The following ZNF587 variants were observed in gnomAD, a reference collection of about 807,000 sequenced individuals.
ZNF587 encodes zinc finger protein zfp6.
Under a neutral mutation model 7.5 loss-of-function variants are expected in ZNF587, and 8 were observed. The ratio of observed to expected loss-of-function variants is 1.06; its 90% CI spans 0.62 to 1.92. The LOEUF is 1.92. Ranked by LOEUF, ZNF587 falls within the 40% of genes most tolerant of loss-of-function variation. ZNF587 has a pLI of 0.00. For synonymous variants in ZNF587, 145 were observed against 237.8 expected, an observed-to-expected ratio of 0.61 and a Z score of 3.59; for missense variants, 468 against 692.8, an observed-to-expected ratio of 0.68 and a Z score of 3.64.
intron 1 of ZNF587, chr19:57,850,979 T>G (rs1372679295): frequency 6.4e-6 from 1 of 155,438 alleles, no homozygotes; most frequent in African/African-American, 2.4e-5. Flanking sequence ...TGTTTGATTA[T>G]GCTCCACTGC....
rs937205246 is a variant in ZNF587, at chr19:57,859,463, G to A, written c.1051G>A (p.Ala351Thr). Residue 351 changes from alanine to threonine, a missense_variant, in exon 3 of 3, where the codon GCT (alanine) becomes ACT (threonine). By Grantham distance (58) the Ala-to-Thr change is moderately conservative (BLOSUM62 0). Coordinates refer to ENST00000339656, the MANE Select transcript of ZNF587 (RefSeq NM_032828.4). ...TCAGCAAGGTCACACTGGAGAGAGA[G>A]CTTATCACTGTGGGGAATGTGGGAA... ...QHQQGHTGER[A>T]YHCGECGKSF... 6.2e-7 allele frequency: 1 copy of A among 1,612,482 alleles called. No individual in the cohort carries two copies. Among genetic ancestry groups the A allele is most frequent in the Non-Finnish European group, 8.5e-7 (1 of 1,179,910 alleles).
In ZNF587 at chr19:57,861,386, C is replaced by T. The variant is rs1188440556; in HGVS notation, c.*1246C>T. On this transcript the variant is annotated 3_prime_UTR_variant, in exon 3 of 3. Transcript: ENST00000339656. ...CGCTCTGTCTCCCAGGCTAGAGTAC[C>T]GTGGCACAATCTCAGCTCATTGCAA... 1 of 152,060 alleles carries T rather than the reference C, an allele frequency of 6.6e-6. No individual in the cohort carries two copies. The highest frequency in any genetic ancestry group is 1.5e-5 in the Non-Finnish European group (1 of 68,042). The allele number at this position is 152,060 out of a possible 1,614,324, so 9.4% of individuals were successfully genotyped here. A position where few individuals can be genotyped will look rare whatever the true frequency, so the allele number is the denominator to read the frequency against.
chr19:57,856,069 G>A (rs756134922), intron 1 of ZNF587, 35 bp from the exon 2 acceptor site: 3 of 1,612,096 alleles, frequency 1.9e-6, no homozygotes, highest in Non-Finnish European at 2.5e-6. Flanking sequence ...CCTCAGCAGA[G>A]GGGCTGCTTG....
chr19:57,857,162 G>A (rs2071367675), intron 2 of ZNF587: 1 of 151,878 alleles, frequency 6.6e-6, no homozygotes, highest in Admixed American at 6.6e-5. Flanking sequence ...GACAAGATGT[G>A]GTTCAATTCA....
At position 57,860,269 on chromosome 19, in the gene ZNF587, C is replaced by G; in HGVS notation, c.*129C>G. On this transcript the variant is annotated 3_prime_UTR_variant, in exon 3 of 3. Coordinates refer to ENST00000339656, the MANE Select transcript of ZNF587 (RefSeq NM_032828.4). ...CATCAGAATGTCTGCTGTCCTCGGT[C>G]TTAAGCGACTTCGTGTTGAGATGGA... 6.5e-7 allele frequency: 1 copy of G among 1,536,442 alleles called. No individual in the cohort carries two copies. Among genetic ancestry groups the G allele is most frequent in the Non-Finnish European group, 8.9e-7 (1 of 1,125,562 alleles).
chr19:57,859,809 G>A lies in ZNF587; in HGVS notation c.1397G>A (p.Cys466Tyr), dbSNP rs537251110. ...RVHTGERPYA[C>Y]EVCGKLFGNK... Reference sequence around the variant, plus strand: ...CACACTGGAGAAAGGCCATATGCGTGTGAGGTATGTGGGAAATTATTTGGC... The same window carrying A: ...CACACTGGAGAAAGGCCATATGCGTATGAGGTATGTGGGAAATTATTTGGC... Residue 466 changes from cysteine (C) to tyrosine (Y), a missense_variant, in exon 3 of 3, where the codon TGT becomes TAT. Cys to Tyr is a radical substitution (Grantham distance 194). Coordinates refer to ENST00000339656, the MANE Select transcript of ZNF587 (RefSeq NM_032828.4). 6 of 1,614,194 alleles carry A rather than the reference G, an allele frequency of 3.7e-6. No homozygotes were observed. The highest frequency in any genetic ancestry group is 2.2e-5 in the South Asian group (2 of 91,090).
At chr19:57,857,245 G>T (rs900759245) in intron 2 of ZNF587, 5 of 151,908 alleles carry the variant, frequency 3.3e-5, no homozygotes, top group African/African-American at 1.2e-4. Flanking sequence ...TGACTTCAGG[G>T]GTTTATCCAA....
rs1411686902 is a variant in ZNF587 at position 57,864,134 on chromosome 19, T to TA, written c.*3994_*3995insA. ...GCTTAGATATTATCCCTAAATTTTTTTTTTTTTTTTTTTTTTTGAGACAGA... is the reference window on the plus strand; with the variant it reads ...GCTTAGATATTATCCCTAAATTTTTTATTTTTTTTTTTTTTTTTGAGACAGA... On this transcript the variant is annotated 3_prime_UTR_variant, in exon 3 of 3. Transcript: ENST00000339656. The TA allele has an allele frequency of 2.0e-5, 2 of 99,380 alleles. No homozygotes were observed. The highest frequency in any genetic ancestry group is 4.2e-5 in the Non-Finnish European group (2 of 47,644). 6.2% of individuals were successfully genotyped at this position (99,380 alleles called of 1,614,324 possible). A position where few individuals can be genotyped will look rare whatever the true frequency, so the allele number is the denominator to read the frequency against.
chr19:57,852,091 G>A (rs1269127246), intron 1 of ZNF587: 5 of 360,930 alleles, frequency 1.4e-5, no homozygotes, highest in Admixed American at 4.7e-5. Flanking sequence ...CATTGGTCCT[G>A]ACGCCATCTA....
intron 1 of ZNF587, chr19:57,850,605 AG>A (rs2122296913): frequency 2.5e-6 from 1 of 401,608 alleles, no homozygotes; most frequent in East Asian, 3.6e-5. Context: ...TGGGGAAACC[AG>A]CCCCACACCA....
intron 1 of ZNF587, 45 bp downstream of exon 1, chr19:57,850,116 C>T (rs2071262034): frequency 3.1e-6 from 5 of 1,614,204 alleles, no homozygotes; most frequent in Non-Finnish European, 4.2e-6. Flanking sequence ...CCATCGTCAC[C>T]CAGGTCCTAA....
rs1005432009 is a variant in ZNF587 at position 57,863,705 on chromosome 19, T to C, written c.*3565T>C. 1 of 151,968 alleles carries C rather than the reference T, an allele frequency of 6.6e-6. No homozygotes were observed. Among genetic ancestry groups the C allele is most frequent in the Non-Finnish European group, 1.5e-5 (1 of 68,020 alleles). 9.4% of individuals were successfully genotyped at this position (151,968 alleles called of 1,614,324 possible). A position where few individuals can be genotyped will look rare whatever the true frequency, so the allele number is the denominator to read the frequency against. ...AGTGTAACAAAAGAAAGTTAAGAAA[T>C]GTGGATAAAAGATTGTAAGTTAGAA... On this transcript the variant is annotated 3_prime_UTR_variant, in exon 3 of 3. Coordinates refer to ENST00000339656, the MANE Select transcript of ZNF587 (RefSeq NM_032828.4).
At chr19:57,856,825 G>A (rs1484350645) in intron 2 of ZNF587, among the ~76,000 whole-genome samples, 1 of 152,034 alleles carries the variant, frequency 6.6e-6, no homozygotes, top group Non-Finnish European at 1.5e-5. Flanking sequence ...GCCTCTGGCT[G>A]TCAGGTGACT....
At chr19:57,857,720 T>G (rs1227052302) in intron 2 of ZNF587, among the ~76,000 whole-genome samples, 1 of 151,946 alleles carries the variant, frequency 6.6e-6, no homozygotes, top group Non-Finnish European at 1.5e-5. Flanking sequence ...GTGTAACCTC[T>G]GCCTCCTGGG....
At position 57,859,376 on chromosome 19, in the gene ZNF587, G is replaced by A. The variant is rs201869821; in HGVS notation, c.964G>A (p.Gly322Arg). Reference sequence around the variant, plus strand: ...CCATCAGCTTGTTCACACTGGAGAAGGGCCTTATGAGTGTAGAGAATGTGG... The same window carrying A: ...CCATCAGCTTGTTCACACTGGAGAAAGGCCTTATGAGTGTAGAGAATGTGG... The part of the protein sequence containing the change: ...ISHQLVHTGE[G>R]PYECRECGKS... Residue 322 changes from glycine to arginine, a missense_variant, in exon 3 of 3, where the codon GGG becomes AGG. Coordinates refer to ENST00000339656, the MANE Select transcript of ZNF587 (RefSeq NM_032828.4). 0.021 allele frequency: 33,848 copies of A among 1,576,630 alleles called. 5,446 individuals are homozygous for A. The African/African-American group carries it at 0.36, about 17-fold the overall frequency.
At position 57,859,414 on chromosome 19, in the gene ZNF587, T is replaced by G. The variant is rs1474137397; in HGVS notation, c.1002T>G (p.Gly334=). The G allele has an allele frequency of 6.2e-7, 1 of 1,609,884 alleles. No individual in the cohort carries two copies. The change falls in exon 3 of 3, where the codon GGT becomes GGG. Residue 334 remains glycine (G), a synonymous_variant. Transcript: ENST00000339656. The part of the protein sequence containing the change: ...YECRECGKSF[G]QKGNLIQHQQ... ...GTAGAGAATGTGGGAAATCTTTTGG[T>G]CAAAAGGGTAACCTCATTCAACATC... is the stretch of plus-strand genomic sequence containing the variant.
Position 57,858,629 on chromosome 19 carries a change from G to A in ZNF587, c.217G>A (p.Val73Ile), listed in dbSNP as rs1477131365. The change falls in exon 3 of 3, where the codon GTA becomes ATA. Residue 73 changes from valine (V) to isoleucine (I), a missense_variant. Val to Ile is a conservative substitution (Grantham distance 29). Around this residue, in one of 5 missense-constraint regions of ZNF587, gnomAD observed 92 missense variants for 89.7 expected, o/e 1.03. Transcript: ENST00000339656. ...GGCACCTTGTAAGCAGAGAATTTCT[G>A]TACAAAGAGAGTCTCAGAGCAGGAC... is the stretch of plus-strand genomic sequence containing the variant. The part of the protein sequence containing the change: ...EEAPCKQRIS[V>I]QRESQSRTPR... 1.9e-6 allele frequency: 3 copies of A among 1,546,062 alleles called. No homozygotes were observed. The highest frequency in any genetic ancestry group is 2.6e-6 in the Non-Finnish European group (3 of 1,152,056).
rs373035916 is a variant in ZNF587, at chr19:57,850,027, C to T, written c.-12C>T. The T allele has an allele frequency of 4.9e-5, 79 of 1,614,254 alleles. No individual in the cohort carries two copies. Among genetic ancestry groups the T allele is most frequent in the Non-Finnish European group, 6.4e-5 (75 of 1,180,058 alleles). On this transcript the variant is annotated 5_prime_UTR_variant, in exon 1 of 3. Transcript: ENST00000339656. ...ACCACTGCTCCCGGGCCGTGCTTCCCCAAGTAGTCCGATGGCAGCGGCTGT... is the reference window on the plus strand; with the variant it reads ...ACCACTGCTCCCGGGCCGTGCTTCCTCAAGTAGTCCGATGGCAGCGGCTGT...
intron 2 of ZNF587, among the ~76,000 whole-genome samples, chr19:57,857,873 T>A (rs113904938): frequency 7.4e-4 from 113 of 151,936 alleles, no homozygotes; most frequent in African/African-American, 2.6e-3. Flanking sequence ...TGACGTCAGG[T>A]GATCTGCCCG....
Sources: gnomAD v4.1 joint callset for allele counts (sites outside exome capture counted in the v4.1 genomes callset) on GRCh38, gnomAD v4.1.1 for gene constraint, gnomAD v4.1.1 regional missense constraint, MANE v1.5 for transcripts, NCBI Gene and HGNC (gene_info 2026-07-23, HGNC 2026-07-21) for gene names.